Variants in VPS13D observed in about 807,000 individuals in gnomAD.
VPS13D encodes vacuolar protein sorting 13 homolog D.
Under a neutral mutation model 461.9 loss-of-function variants are expected in VPS13D, and 187 were observed. The observed-to-expected ratio is 0.40, with a 90% confidence interval of 0.36 to 0.46. The LOEUF is 0.46. VPS13D is among the 20% of genes least tolerant of loss of function. VPS13D has a pLI of 0.60. For missense variants in VPS13D, 4,711 were observed against 5,364.9 expected (o/e 0.88, Z 3.81); for synonymous variants, 1,951 against 1,986.3 (o/e 0.98, Z 0.47).
At position 12,308,618 on chromosome 1, in the gene VPS13D, G is replaced by T. The variant is rs1225424374; in HGVS notation, c.6627G>T (p.Leu2209Phe). 6.2e-7 allele frequency: 1 copy of T among 1,613,320 alleles called. No individual in the cohort carries two copies. Among genetic ancestry groups the T allele is most frequent in the African/African-American group, 1.3e-5 (1 of 74,786 alleles). ...SLLTEPCRLKLQVERNLDKEI... is the reference protein window; with the variant it reads ...SLLTEPCRLKFQVERNLDKEI... ...TAACCGAGCCTTGTAGGCTGAAATTGCAGGTGGAAAGGAATTTGGACAAGT... is the reference window on the plus strand; with the variant it reads ...TAACCGAGCCTTGTAGGCTGAAATTTCAGGTGGAAAGGAATTTGGACAAGT... Residue 2209 changes from leucine to phenylalanine, a missense_variant, in exon 27 of 70, where the codon TTG becomes TTT. By Grantham distance (22) the Leu-to-Phe change is conservative. Coordinates refer to ENST00000620676, the MANE Select transcript of VPS13D (RefSeq NM_015378.4).
chr1:12,497,620 A>G lies in VPS13D; in HGVS notation c.12783A>G (p.Ile4261Met). The change falls in exon 68 of 70, where the codon ATA becomes ATG. Residue 4261 changes from isoleucine (I) to methionine (M), a missense_variant. By Grantham distance (10) the Ile-to-Met change is conservative. Transcript: ENST00000620676. Reference sequence around the variant, plus strand: ...AGCTCTTCAAACTCACAGACAACATACAGGACGAATTGTAAGTTAGAGCAT... The same window carrying G: ...AGCTCTTCAAACTCACAGACAACATGCAGGACGAATTGTAAGTTAGAGCAT... ...QEQLFKLTDN[I>M]QDEFFIAVEN... The G allele has an allele frequency of 6.2e-7, 1 of 1,613,354 alleles. No homozygotes were observed. Among genetic ancestry groups the G allele is most frequent in the Non-Finnish European group, 8.5e-7 (1 of 1,179,822 alleles).
intron 46 of VPS13D, among the ~76,000 whole-genome samples, chr1:12,353,721 A>G (rs960804389): frequency 1.3e-5 from 2 of 152,080 alleles, no homozygotes; most frequent in African/African-American, 4.8e-5. Context: ...GGGGTGAGGG[A>G]AATAGCCTAT....
chr1:12,271,906 G>C lies in VPS13D; in HGVS notation c.2103+782G>C, dbSNP rs143794787. 6.2e-3 allele frequency among the ~76,000 whole-genome samples: 943 copies of C among 152,142 alleles called. 12 individuals carry two copies. The highest frequency in any genetic ancestry group is 0.02 in the African/African-American group (849 of 41,510). On this transcript the variant is annotated intron_variant, in intron 17 of 69. Transcript: ENST00000620676. ...CAAGAGACATCTTCACAGTCCAGTA[G>C]GTAGGCTGGGCAAGGTGGCCCATGC... is the stretch of plus-strand genomic sequence containing the variant.
chr1:12,294,379 C>T (rs1642216159), intron 24 of VPS13D, among the ~76,000 whole-genome samples: 1 of 152,216 alleles, frequency 6.6e-6, no homozygotes, highest in African/African-American at 2.4e-5. Flanking sequence ...CTTTTTCTCA[C>T]AGCAACCGCT....
chr1:12,325,425 A>G (rs1643155556), intron 35 of VPS13D, among the ~76,000 whole-genome samples: 3 of 152,182 alleles, frequency 2.0e-5, no homozygotes, highest in South Asian at 2.1e-4. Flanking sequence ...ATGCCCAGCT[A>G]ATTTTTGTAT....
At chr1:12,410,223 A>G (rs1644705984) in intron 63 of VPS13D, among the ~76,000 whole-genome samples, 1 of 152,260 alleles carries the variant, frequency 6.6e-6, no homozygotes, top group Non-Finnish European at 1.5e-5. Flanking sequence ...GGCAGCTAAG[A>G]GGCTGAAGAA....
intron 20 of VPS13D, among the ~76,000 whole-genome samples, chr1:12,282,048 C>A (rs1641800844): frequency 6.6e-6 from 1 of 152,196 alleles, no homozygotes; most frequent in South Asian, 2.1e-4. Context: ...CCACCACACT[C>A]TGCTAATTTT....
At chr1:12,243,415 A>G (rs1640444090) in intron 3 of VPS13D, among the ~76,000 whole-genome samples, 1 of 152,164 alleles carries the variant, frequency 6.6e-6, no homozygotes, top group Admixed American at 6.5e-5. Flanking sequence ...ATAGTTGAAT[A>G]CAGCTGCGTG....
At position 12,362,783 on chromosome 1, in the gene VPS13D, G is replaced by C. The variant is rs753802851; in HGVS notation, c.10205G>C (p.Arg3402Pro). 1 of 1,614,078 alleles carries C rather than the reference G, an allele frequency of 6.2e-7. No individual in the cohort carries two copies. Among genetic ancestry groups the C allele is most frequent in the Non-Finnish European group, 8.5e-7 (1 of 1,180,038 alleles). ...ACCTGCATGGTCATCTTTGCCCCCCGTTACCTGTTAGATAATAAATCATCT... is the reference window on the plus strand; with the variant it reads ...ACCTGCATGGTCATCTTTGCCCCCCCTTACCTGTTAGATAATAAATCATCT... ...IDTCMVIFAP[R>P]YLLDNKSSHK... The change falls in exon 51 of 70, where the codon CGT (arginine) becomes CCT (proline). Residue 3402 changes from arginine to proline, a missense_variant. Arg to Pro is a moderately radical substitution (Grantham distance 103). Coordinates refer to ENST00000620676, the MANE Select transcript of VPS13D (RefSeq NM_015378.4).
intron 7 of VPS13D, among the ~76,000 whole-genome samples, chr1:12,255,990 A>G (rs969859504): frequency 6.6e-6 from 1 of 152,062 alleles, no homozygotes; most frequent in Admixed American, 6.6e-5. Context: ...GGATTTTGAT[A>G]TAATACACTA....
At chr1:12,309,948 G>T (rs1642685831) in intron 27 of VPS13D, among the ~76,000 whole-genome samples, 1 of 152,080 alleles carries the variant, frequency 6.6e-6, no homozygotes, top group African/African-American at 2.4e-5. Flanking sequence ...TTGTGTTTCA[G>T]TCTTACGTGT....
chr1:12,356,948 C>T (rs978190123), intron 49 of VPS13D, among the ~76,000 whole-genome samples: 2 of 152,128 alleles, frequency 1.3e-5, no homozygotes, highest in African/African-American at 4.8e-5. Context: ...ATTTGTATCA[C>T]ATTTGGAAAT....
At chr1:12,354,800 TATAGAA>T (rs1295944447) in intron 47 of VPS13D, among the ~76,000 whole-genome samples, 18 of 152,344 alleles carry the variant, frequency 1.2e-4, no homozygotes, top group African/African-American at 4.1e-4. Flanking sequence ...ATGTAATCCT[TATAGAA>T]ATAGTTATTT....
chr1:12,281,701 C>T (rs7532523), intron 20 of VPS13D, among the ~76,000 whole-genome samples: 5,257 of 152,128 alleles, frequency 0.035, 304 homozygotes, highest in African/African-American at 0.12. Flanking sequence ...TTGATTTCTC[C>T]ATTGCAAAAT....
intron 23 of VPS13D, 78 bp from the exon 24 acceptor site, chr1:12,293,446 T>C: frequency 7.0e-7 from 1 of 1,431,954 alleles, no homozygotes; most frequent in East Asian, 2.4e-5. Flanking sequence ...GGGAAGCCCC[T>C]AAACCAACCT....
chr1:12,366,253 C>T (rs985781730), intron 52 of VPS13D, among the ~76,000 whole-genome samples: 1 of 152,128 alleles, frequency 6.6e-6, no homozygotes, highest in Non-Finnish European at 1.5e-5. Context: ...TTATCTAATT[C>T]AATAGTGAGC....
intron 68 of VPS13D, 55 bp from the exon 69 acceptor site, chr1:12,506,798 C>T (rs989311474): frequency 1.7e-5 from 27 of 1,586,814 alleles, no homozygotes; most frequent in South Asian, 3.5e-5. Context: ...GGGCCTCCCC[C>T]TGATGCTGGG....
intron 5 of VPS13D, among the ~76,000 whole-genome samples, chr1:12,247,031 T>C (rs1640573337): frequency 6.6e-6 from 1 of 152,210 alleles, no homozygotes; most frequent in African/African-American, 2.4e-5. Flanking sequence ...TAACTCTGTT[T>C]ACTTTTTGAG....
intron 67 of VPS13D, among the ~76,000 whole-genome samples, chr1:12,470,075 T>G (rs1483566991): frequency 1.3e-5 from 2 of 152,234 alleles, no homozygotes; most frequent in African/African-American, 2.4e-5. Flanking sequence ...TTGTTCTGTG[T>G]TAACACCAGA....
Sources: gnomAD v4.1 joint callset for allele counts (sites outside exome capture counted in the v4.1 genomes callset) on GRCh38, gnomAD v4.1.1 for gene constraint, MANE v1.5 for transcripts, NCBI Gene and HGNC (gene_info 2026-07-23, HGNC 2026-07-21) for gene names.